The following SYNE2 variants were observed in gnomAD, a reference collection of about 807,000 sequenced individuals.
SYNE2 encodes nesprin-2.
In SYNE2, 431 loss-of-function variants were observed where a neutral mutation model predicts 856.3. That is an observed-to-expected ratio of 0.50 (90% CI 0.47 to 0.55). The LOEUF (loss-of-function observed/expected upper bound fraction) is 0.55. Ranked by LOEUF, SYNE2 falls within the 20% of genes least tolerant of loss-of-function variation. The pLI, the probability that SYNE2 is intolerant of heterozygous loss-of-function variation, is 0.00. For synonymous variants in SYNE2, 2,923 were observed against 2,872.3 expected (o/e 1.02, Z -0.56); for missense variants, 8,129 against 8,023.2 (o/e 1.01, Z -0.50).
chr14:64,039,058 T>A (rs1019500102), intron 45 of SYNE2, among the ~76,000 whole-genome samples: 6 of 152,178 alleles, frequency 3.9e-5, no homozygotes, highest in Admixed American at 3.3e-4. Flanking sequence ...TTAGATGTTA[T>A]ACTAAGAAAT....
intron 2 of SYNE2, among the ~76,000 whole-genome samples, chr14:63,910,382 G>A (rs1351182955): frequency 1.3e-5 from 2 of 152,136 alleles, no homozygotes; most frequent in Non-Finnish European, 2.9e-5. Flanking sequence ...AGAATAGACA[G>A]TATCTGTATA....
At chr14:64,147,552 G>A (rs1444393712) in intron 84 of SYNE2, among the ~76,000 whole-genome samples, 1 of 152,148 alleles carries the variant, frequency 6.6e-6, no homozygotes, top group Non-Finnish European at 1.5e-5. Flanking sequence ...GAACAAGGTC[G>A]AAATGGATTA....
chr14:63,776,657 T>C (rs1002877082), intron 1 of SYNE2, among the ~76,000 whole-genome samples: 2 of 150,106 alleles, frequency 1.3e-5, no homozygotes, highest in Non-Finnish European at 3.0e-5. Context: ...TGGAGTGCAG[T>C]GGTATGATCT....
intron 2 of SYNE2, among the ~76,000 whole-genome samples, chr14:63,933,201 G>A (rs760612109): frequency 1.3e-5 from 2 of 152,088 alleles, no homozygotes; most frequent in Non-Finnish European, 2.9e-5. Context: ...ATCCTGCATC[G>A]CTCTGCATTT....
Position 64,223,249 on chromosome 14 carries a change from A to T in SYNE2, c.20251A>T (p.Asn6751Tyr), listed in dbSNP as rs1368986946. The T allele has an allele frequency of 6.2e-7, 1 of 1,614,194 alleles. No individual in the cohort carries two copies. Among genetic ancestry groups the T allele is most frequent in the Admixed American group, 1.7e-5 (1 of 60,020 alleles). ...AGTGGACATGTTACAGGAGATTTCA[A>T]ACAGCCTTCTCATTAAGGGACATGG... is the stretch of plus-strand genomic sequence containing the variant. ...PQVDMLQEISNSLLIKGHGED... is the reference protein window; with the variant it reads ...PQVDMLQEISYSLLIKGHGED... Residue 6751 changes from asparagine to tyrosine, a missense_variant, in exon 113 of 116, where the codon AAC (asparagine) becomes TAC (tyrosine). Asn to Tyr is a moderately radical substitution (Grantham distance 143). Coordinates refer to ENST00000555002, the MANE Select transcript of SYNE2 (RefSeq NM_182914.3).
chr14:64,129,079 A>AGG (rs1286312672), intron 74 of SYNE2, among the ~76,000 whole-genome samples: 7 of 152,238 alleles, frequency 4.6e-5, no homozygotes, highest in Non-Finnish European at 1.0e-4. Flanking sequence ...AGACTGAGGC[A>AGG]GGTGGATCAC....
intron 84 of SYNE2, among the ~76,000 whole-genome samples, chr14:64,149,963 G>T (rs145015223): frequency 0.011 from 1,597 of 149,764 alleles, 17 homozygotes; most frequent in Non-Finnish European, 0.016. Flanking sequence ...CACCGTGTGT[G>T]GTTGTTCGTG....
At chr14:63,790,814 A>G (rs1449318681) in intron 1 of SYNE2, among the ~76,000 whole-genome samples, 3 of 152,098 alleles carry the variant, frequency 2.0e-5, no homozygotes, top group Admixed American at 6.6e-5. Flanking sequence ...TATGCCACTT[A>G]TTTTCCTCCT....
intron 2 of SYNE2, among the ~76,000 whole-genome samples, chr14:63,935,839 C>T (rs2095823825): frequency 6.6e-6 from 1 of 152,066 alleles, no homozygotes; most frequent in Non-Finnish European, 1.5e-5. Flanking sequence ...CGTAGTCAGA[C>T]CTCATCTCTA....
At chr14:63,928,895 G>A (rs938375008) in intron 2 of SYNE2, among the ~76,000 whole-genome samples, 1 of 152,098 alleles carries the variant, frequency 6.6e-6, no homozygotes, top group African/African-American at 2.4e-5. Flanking sequence ...AATGGCAACA[G>A]GGTCTCATTA....
At chr14:64,168,715 T>G (rs907212456) in intron 92 of SYNE2, among the ~76,000 whole-genome samples, 162 bp from the exon 93 acceptor site, 4 of 152,226 alleles carry the variant, frequency 2.6e-5, no homozygotes, top group African/African-American at 9.6e-5. Flanking sequence ...GTAGGTGATG[T>G]TGATATGATA....
chr14:64,192,681 T>C (rs1205034607), intron 99 of SYNE2, among the ~76,000 whole-genome samples: 1 of 152,174 alleles, frequency 6.6e-6, no homozygotes, highest in Non-Finnish European at 1.5e-5. Flanking sequence ...ATTGTCCCAT[T>C]TTACATACCA....
chr14:64,224,586 A>T (rs1567704028), intron 114 of SYNE2, 39 bp downstream of exon 114: 1 of 1,609,314 alleles, frequency 6.2e-7, no homozygotes, highest in South Asian at 1.1e-5. Flanking sequence ...CTCACTGGTT[A>T]TTTTTTAAAG....
chr14:63,947,821 G>C (rs2096059876), intron 6 of SYNE2, among the ~76,000 whole-genome samples: 2 of 151,750 alleles, frequency 1.3e-5, no homozygotes, highest in Non-Finnish European at 1.5e-5. Flanking sequence ...GGGGCAACAA[G>C]AGTGAAACTC....
At chr14:63,931,229 T>A (rs1486268349) in intron 2 of SYNE2, among the ~76,000 whole-genome samples, 1 of 152,046 alleles carries the variant, frequency 6.6e-6, no homozygotes, top group Non-Finnish European at 1.5e-5. Flanking sequence ...GTTTTATTAG[T>A]AGAAGAAACA....
At chr14:64,072,274 T>A (rs1266727983) in intron 52 of SYNE2, among the ~76,000 whole-genome samples, 1 of 152,114 alleles carries the variant, frequency 6.6e-6, no homozygotes. Context: ...AGCAAACTTG[T>A]TTTTTCTCTC....
intron 99 of SYNE2, among the ~76,000 whole-genome samples, chr14:64,198,402 C>G (rs1325575918): frequency 2.0e-5 from 3 of 152,192 alleles, no homozygotes; most frequent in Non-Finnish European, 2.9e-5. Context: ...ACTTCCTGAC[C>G]TGGGACAGGT....
At chr14:63,813,174 AACC>A (rs1410870745) in intron 1 of SYNE2, among the ~76,000 whole-genome samples, 22 of 152,236 alleles carry the variant, frequency 1.4e-4, no homozygotes, top group African/African-American at 4.8e-4. Context: ...CTATAAAATC[AACC>A]ACTATTCTTG....
chr14:63,955,402 C>A (rs936972127), intron 8 of SYNE2, among the ~76,000 whole-genome samples: 1 of 152,230 alleles, frequency 6.6e-6, no homozygotes, highest in East Asian at 1.9e-4. Flanking sequence ...CAACAACATC[C>A]TAAGTACTGG....
Sources: allele counts gnomAD v4.1 joint callset (sites outside exome capture counted in the v4.1 genomes callset), GRCh38; gene constraint gnomAD v4.1.1; transcripts MANE v1.5; gene names NCBI Gene and HGNC (gene_info 2026-07-23, HGNC 2026-07-21).